The following KLHL29 variants were observed in gnomAD, a reference collection of about 807,000 sequenced individuals.
KLHL29 encodes kelch like family member 29.
In KLHL29, 21 loss-of-function variants were observed where a neutral mutation model predicts 80.4. The observed-to-expected ratio is 0.26, with a 90% confidence interval of 0.19 to 0.38. The LOEUF (loss-of-function observed/expected upper bound fraction) is 0.38, where lower values mean the gene tolerates loss of function less well. Among genes scored for constraint, KLHL29 ranks in the 10% least tolerant of loss-of-function variants. KLHL29 has a pLI of 1.00. For synonymous variants in KLHL29, 511 were observed against 526.8 expected, an observed-to-expected ratio of 0.97 and a Z score of 0.41; for missense variants, 867 against 1,223.9, an observed-to-expected ratio of 0.71 and a Z score of 4.35.
intron 3 of KLHL29, among the ~76,000 whole-genome samples, chr2:23,634,700 C>T (rs1218583421): frequency 6.6e-6 from 1 of 152,300 alleles, no homozygotes; most frequent in Non-Finnish European, 1.5e-5. Flanking sequence ...GGGCTCCAGG[C>T]AGCCTCCAGC....
At chr2:23,677,083 A>G (rs1467154236) in intron 5 of KLHL29, among the ~76,000 whole-genome samples, 2 of 152,214 alleles carry the variant, frequency 1.3e-5, no homozygotes, top group Non-Finnish European at 2.9e-5. Flanking sequence ...TGTTAATTTT[A>G]TGATGATTTC....
chr2:23,514,921 T>G (rs567595906), intron 2 of KLHL29, among the ~76,000 whole-genome samples: 1 of 152,330 alleles, frequency 6.6e-6, no homozygotes, highest in East Asian at 1.9e-4. Context: ...CATTAATGAC[T>G]TCCCTGAACT....
At chr2:23,631,229 C>G (rs938284640) in intron 3 of KLHL29, among the ~76,000 whole-genome samples, 14 of 152,206 alleles carry the variant, frequency 9.2e-5, no homozygotes, top group African/African-American at 3.4e-4. Context: ...CCTCTGCCCC[C>G]ACCCAGGCTC....
At chr2:23,638,340 A>T (rs1433370864) in intron 3 of KLHL29, among the ~76,000 whole-genome samples, 1 of 152,066 alleles carries the variant, frequency 6.6e-6, no homozygotes. Flanking sequence ...ATAGCTATAT[A>T]ATATTCCATT....
intron 2 of KLHL29, among the ~76,000 whole-genome samples, chr2:23,537,472 G>A (rs549112077): frequency 1.6e-4 from 22 of 133,834 alleles, no homozygotes; most frequent in East Asian, 8.0e-4. Flanking sequence ...ACACAGGCAC[G>A]CACACGCTTC....
At chr2:23,643,221 G>A (rs528824196) in intron 5 of KLHL29, 11 of 388,732 alleles carry the variant, frequency 2.8e-5, no homozygotes, top group African/African-American at 1.7e-4. Context: ...TCAGGGCACC[G>A]CAGAACAGTC....
chr2:23,415,544 C>G (rs550305515), intron 1 of KLHL29, among the ~76,000 whole-genome samples: 1 of 152,324 alleles, frequency 6.6e-6, no homozygotes, highest in South Asian at 2.1e-4. Context: ...ATCCAAAAGA[C>G]TAGGACTTTA....
chr2:23,468,660 C>T (rs950274262), intron 1 of KLHL29, among the ~76,000 whole-genome samples: 2 of 152,020 alleles, frequency 1.3e-5, no homozygotes, highest in African/African-American at 4.8e-5. Context: ...CGTCTCCAGC[C>T]CCCCGACACC....
intron 2 of KLHL29, among the ~76,000 whole-genome samples, chr2:23,487,216 T>G (rs1490756313): frequency 6.6e-6 from 1 of 152,110 alleles, no homozygotes; most frequent in Non-Finnish European, 1.5e-5. Flanking sequence ...GAGCCCTAGA[T>G]GGGTCCCAGG....
At chr2:23,399,301 A>T (rs759771752) in intron 1 of KLHL29, among the ~76,000 whole-genome samples, 12 of 152,234 alleles carry the variant, frequency 7.9e-5, no homozygotes, top group Admixed American at 2.6e-4. Flanking sequence ...ATTTATGATT[A>T]TGAAATAAAA....
intron 1 of KLHL29, among the ~76,000 whole-genome samples, chr2:23,462,870 C>T (rs1236930034): frequency 6.6e-6 from 1 of 152,168 alleles, no homozygotes; most frequent in African/African-American, 2.4e-5. Context: ...CATGGTGGCT[C>T]ACACCTGTAA....
chr2:23,706,410 C>G (rs146111653), intron 13 of KLHL29, 71 bp from the exon 14 acceptor site: 1 of 1,235,978 alleles, frequency 8.1e-7, no homozygotes. Context: ...CAGGACACGA[C>G]GTTGAGAACC....
intron 5 of KLHL29, among the ~76,000 whole-genome samples, chr2:23,683,562 G>A (rs577230602): frequency 1.3e-5 from 2 of 152,320 alleles, no homozygotes; most frequent in Admixed American, 1.3e-4. Context: ...ACATCCCCAG[G>A]TCTGGAGCCC....
At chr2:23,573,502 G>A (rs1667767385) in intron 3 of KLHL29, among the ~76,000 whole-genome samples, 1 of 152,208 alleles carries the variant, frequency 6.6e-6, no homozygotes, top group Non-Finnish European at 1.5e-5. Context: ...CAACCCTGGT[G>A]AAATTGGTTG....
chr2:23,557,606 G>A (rs1454317375), intron 2 of KLHL29, among the ~76,000 whole-genome samples: 2 of 152,110 alleles, frequency 1.3e-5, no homozygotes, highest in Admixed American at 6.5e-5. Context: ...TGTAAGGCGC[G>A]GGCATGGCAT....
intron 1 of KLHL29, among the ~76,000 whole-genome samples, chr2:23,451,245 A>G (rs995388795): frequency 2.0e-5 from 3 of 151,974 alleles, no homozygotes; most frequent in Non-Finnish European, 2.9e-5. Flanking sequence ...TCCAGTGATC[A>G]CTCCCATAGA....
chr2:23,523,887 C>A, intron 2 of KLHL29: 2 of 433,836 alleles, frequency 4.6e-6, no homozygotes, highest in South Asian at 1.7e-5. Flanking sequence ...ACTGCTTGGA[C>A]TTGGCACGCT....
At chr2:23,665,147 A>G (rs1670518914) in intron 5 of KLHL29, among the ~76,000 whole-genome samples, 1 of 152,210 alleles carries the variant, frequency 6.6e-6, no homozygotes. Context: ...AGTTGGACCA[A>G]CAAGAACTAG....
intron 3 of KLHL29, among the ~76,000 whole-genome samples, chr2:23,586,267 A>G (rs1243876890): frequency 1.3e-5 from 2 of 151,608 alleles, no homozygotes; most frequent in Non-Finnish European, 2.9e-5. Context: ...GACCATCACC[A>G]CTATCTAGTT....
Sources: allele counts gnomAD v4.1 joint callset (sites outside exome capture counted in the v4.1 genomes callset), GRCh38; gene constraint gnomAD v4.1.1; transcripts MANE v1.5; gene names NCBI Gene and HGNC (gene_info 2026-07-23, HGNC 2026-07-21).